PARD3: variants seen among roughly 807,000 people sequenced by gnomAD.
The protein encoded by PARD3 is partitioning defective 3 homolog.
In PARD3, 75 loss-of-function variants were observed where a neutral mutation model predicts 155.4. The ratio of observed to expected loss-of-function variants is 0.48; its 90% confidence interval spans 0.40 to 0.58. The LOEUF (loss-of-function observed/expected upper bound fraction) is 0.58. PARD3 is among the 20% of genes least tolerant of loss of function. PARD3 has a pLI of 0.00. For synonymous variants in PARD3, 576 were observed against 610.5 expected (o/e 0.94, Z 0.83); for missense variants, 1,642 against 1,721.7 (o/e 0.95, Z 0.82).
intron 21 of PARD3, among the ~76,000 whole-genome samples, chr10:34,278,190 G>A (rs940991568): frequency 6.7e-6 from 1 of 149,548 alleles, no homozygotes; most frequent in Admixed American, 6.7e-5. Flanking sequence ...GGGACTACAG[G>A]TGCATACCAC....
At chr10:34,238,787 C>T (rs187506059) in intron 22 of PARD3, among the ~76,000 whole-genome samples, 47 of 152,248 alleles carry the variant, frequency 3.1e-4, no homozygotes, top group South Asian at 1.0e-3. Context: ...TTCTGAGTAA[C>T]TCATAAAATG....
At chr10:34,239,630 C>A (rs528569114) in intron 22 of PARD3, among the ~76,000 whole-genome samples, 3 of 151,952 alleles carry the variant, frequency 2.0e-5, no homozygotes, top group African/African-American at 4.8e-5. Flanking sequence ...GGTAAAACTT[C>A]ATCTCTGCTA....
In PARD3 at chr10:34,729,140, C is replaced by A. The variant is rs151131270; in HGVS notation, c.121-32721G>T. On this transcript the variant is annotated intron_variant, in intron 1 of 24. Coordinates refer to ENST00000374788, the MANE Select transcript of PARD3 (RefSeq NM_001184785.2). Reference sequence around the variant, plus strand: ...CTATGATGCTCGCACAATGAAACTGCCTAACAACTCATTTCACAGAATGAA... The same window carrying A: ...CTATGATGCTCGCACAATGAAACTGACTAACAACTCATTTCACAGAATGAA... Among the ~76,000 whole-genome samples the A allele has an allele frequency of 4.3e-3, 662 of 152,292 alleles. 13 individuals are homozygous for A. The highest frequency in any genetic ancestry group is 0.028 in the Admixed American group (431 of 15,294).
At chr10:34,129,702 T>A (rs1048934261) in intron 23 of PARD3, among the ~76,000 whole-genome samples, 1 of 120,230 alleles carries the variant, frequency 8.3e-6, no homozygotes, top group Non-Finnish European at 1.8e-5. Flanking sequence ...TCAAGCCTCT[T>A]TTTTTTTTTT....
chr10:34,509,974 C>T lies in PARD3; in HGVS notation c.403+7005G>A, dbSNP rs560982879. Among the ~76,000 whole-genome samples, 86 of 152,142 alleles carry T rather than the reference C, an allele frequency of 5.7e-4. 1 individual carries two copies. Among genetic ancestry groups the T allele is most frequent in the African/African-American group, 2.0e-3 (81 of 41,536 alleles). On this transcript the variant is annotated intron_variant, in intron 3 of 24. Coordinates refer to ENST00000374788, the MANE Select transcript of PARD3 (RefSeq NM_001184785.2). ...CTAGTTTCTAGATCCCTCCTTTCAA[C>T]AAAAAAGAAGGATATCATAAGCCAG...
intron 5 of PARD3, among the ~76,000 whole-genome samples, chr10:34,406,205 A>G (rs1488680267): frequency 6.6e-6 from 1 of 152,228 alleles, no homozygotes; most frequent in African/African-American, 2.4e-5. Context: ...TAAAAGTCAT[A>G]TCTTCTACAC....
At chr10:34,174,524 G>A (rs973556182) in intron 22 of PARD3, among the ~76,000 whole-genome samples, 1 of 152,170 alleles carries the variant, frequency 6.6e-6, no homozygotes, top group Non-Finnish European at 1.5e-5. Flanking sequence ...TCGGGGGCGT[G>A]GAGTCCTGAA....
intron 2 of PARD3, among the ~76,000 whole-genome samples, chr10:34,578,221 C>G (rs530214564): frequency 1.3e-5 from 2 of 152,118 alleles, no homozygotes; most frequent in East Asian, 3.9e-4. Context: ...AGCAAAACTT[C>G]GTGCTGAAAA....
At chr10:34,721,202 C>T (rs2133732151) in intron 1 of PARD3, among the ~76,000 whole-genome samples, 1 of 152,284 alleles carries the variant, frequency 6.6e-6, no homozygotes, top group South Asian at 2.1e-4. Context: ...CAATGTTACG[C>T]TCCTTACAAA....
At chr10:34,414,641 C>A (rs2132343308) in intron 5 of PARD3, among the ~76,000 whole-genome samples, 1 of 151,622 alleles carries the variant, frequency 6.6e-6, no homozygotes, top group Admixed American at 6.6e-5. Flanking sequence ...CACAGCGAGA[C>A]CCAGTCTCTA....
intron 5 of PARD3, among the ~76,000 whole-genome samples, chr10:34,421,752 C>T (rs1846207730): frequency 6.6e-6 from 1 of 152,072 alleles, no homozygotes; most frequent in East Asian, 1.9e-4. Context: ...AAGATTTCTG[C>T]CCTTCTGAAA....
intron 1 of PARD3, among the ~76,000 whole-genome samples, chr10:34,725,666 T>G (rs2133772367): frequency 6.6e-6 from 1 of 152,260 alleles, no homozygotes; most frequent in South Asian, 2.1e-4. Context: ...ACATGGTGGT[T>G]CTCAATCCTG....
At chr10:34,149,629 A>G (rs138735456) in intron 22 of PARD3, among the ~76,000 whole-genome samples, 2 of 152,324 alleles carry the variant, frequency 1.3e-5, no homozygotes, top group African/African-American at 4.8e-5. Context: ...GTTGCTACAG[A>G]TGATCTCACG....
intron 22 of PARD3, 58 bp downstream of exon 22, chr10:34,269,599 T>C (rs985894385): frequency 1.3e-6 from 2 of 1,589,884 alleles, no homozygotes; most frequent in Non-Finnish European, 1.7e-6. Flanking sequence ...TACTCCCCTG[T>C]CAGAAGCTGT....
intron 3 of PARD3, among the ~76,000 whole-genome samples, chr10:34,508,767 A>T (rs778959421): frequency 3.9e-5 from 6 of 152,176 alleles, no homozygotes; most frequent in Non-Finnish European, 8.8e-5. Context: ...CCCATTCCAG[A>T]ATACATGTCC....
At chr10:34,731,845 G>C (rs1210942930) in intron 1 of PARD3, among the ~76,000 whole-genome samples, 2 of 151,402 alleles carry the variant, frequency 1.3e-5, no homozygotes, top group Non-Finnish European at 2.9e-5. Context: ...ATTTACAAGA[G>C]AGGAGTGAAG....
At chr10:34,643,603 C>T (rs1345355798) in intron 2 of PARD3, among the ~76,000 whole-genome samples, 1 of 152,188 alleles carries the variant, frequency 6.6e-6, no homozygotes, top group Non-Finnish European at 1.5e-5. Context: ...TTTAAAACAG[C>T]ATCACTTCTC....
chr10:34,493,495 G>A (rs756673908), intron 3 of PARD3, among the ~76,000 whole-genome samples: 2 of 152,070 alleles, frequency 1.3e-5, no homozygotes, highest in Admixed American at 6.6e-5. Context: ...ATTTTGGGAG[G>A]CCACGGCAGG....
chr10:34,546,192 C>T (rs2084035008), intron 2 of PARD3, among the ~76,000 whole-genome samples: 1 of 152,174 alleles, frequency 6.6e-6, no homozygotes, highest in East Asian at 1.9e-4. Flanking sequence ...TTGAAGTTAA[C>T]ACTCTTTTTT....
Sources: gnomAD v4.1 joint callset for allele counts (sites outside exome capture counted in the v4.1 genomes callset) on GRCh38, gnomAD v4.1.1 for gene constraint, MANE v1.5 for transcripts, NCBI Gene and HGNC (gene_info 2026-07-23, HGNC 2026-07-21) for gene names.